Variants in ATRNL1 observed in about 807,000 individuals in gnomAD.
ATRNL1 encodes the protein attractin-like protein 1.
Under a neutral mutation model 182.7 loss-of-function variants are expected in ATRNL1, and 95 were observed. The observed-to-expected ratio is 0.52, with a 90% confidence interval of 0.44 to 0.62. The LOEUF (loss-of-function observed/expected upper bound fraction) is 0.62. ATRNL1 is among the 20% of genes least tolerant of loss of function. ATRNL1 has a pLI of 0.00. For missense variants in ATRNL1, 1,471 were observed against 1,679.5 expected (o/e 0.88, Z 2.17); for synonymous variants, 576 against 568.3 (o/e 1.01, Z -0.19).
At chr10:115,741,104 A>G (rs1948127539) in intron 27 of ATRNL1, among the ~76,000 whole-genome samples, 1 of 152,178 alleles carries the variant, frequency 6.6e-6, no homozygotes, top group Non-Finnish European at 1.5e-5. Flanking sequence ...CAGGAGGTAG[A>G]TATGGAAAAT....
rs58679995 is a variant in ATRNL1, at chr10:115,646,036, TACAC to T, written c.3796-81182_3796-81179del. 5.5e-3 allele frequency among the ~76,000 whole-genome samples: 775 copies of T among 141,654 alleles called. 20 individuals are homozygous for T. In the East Asian group the frequency reaches 0.07, roughly 13 times the overall value. 92.9% of individuals were successfully genotyped at this position (141,654 alleles called of 152,430 possible). A position where few individuals can be genotyped will look rare whatever the true frequency, so the allele number is the denominator to read the frequency against. On this transcript the variant is annotated intron_variant, in intron 26 of 28. Transcript: ENST00000355044. ...TATGTTTTTACAAAATTTTAAAATTTACACACACACACACACACACACACACACA... is the reference window on the plus strand; with the variant it reads ...TATGTTTTTACAAAATTTTAAAATTTACACACACACACACACACACACACA...
At chr10:115,917,639 C>T (rs1555117719) in intron 28 of ATRNL1, among the ~76,000 whole-genome samples, 1 of 152,030 alleles carries the variant, frequency 6.6e-6, no homozygotes, top group Non-Finnish European at 1.5e-5. Context: ...TGGATAACAT[C>T]CTTACCATGG....
At chr10:115,853,932 AT>A (rs1196547082) in intron 28 of ATRNL1, among the ~76,000 whole-genome samples, 5 of 152,160 alleles carry the variant, frequency 3.3e-5, no homozygotes, top group African/African-American at 1.2e-4. Flanking sequence ...AGAAGAAACT[AT>A]TTTACCTTGT....
At chr10:115,666,963 G>A (rs529790837) in intron 26 of ATRNL1, among the ~76,000 whole-genome samples, 8 of 152,218 alleles carry the variant, frequency 5.3e-5, no homozygotes, top group South Asian at 2.1e-4. Flanking sequence ...GACAGTGCTC[G>A]TATTTTGAGC....
intron 20 of ATRNL1, among the ~76,000 whole-genome samples, chr10:115,414,227 G>A (rs146327696): frequency 3.9e-5 from 6 of 152,116 alleles, no homozygotes; most frequent in African/African-American, 1.4e-4. Context: ...CTGATTTCAA[G>A]CTTCCCTCCT....
At chr10:115,159,089 T>C (rs980813202) in intron 5 of ATRNL1, among the ~76,000 whole-genome samples, 1 of 151,696 alleles carries the variant, frequency 6.6e-6, no homozygotes, top group Non-Finnish European at 1.5e-5. Context: ...CATTTTTAAC[T>C]TGGGACCCAT....
intron 18 of ATRNL1, among the ~76,000 whole-genome samples, chr10:115,322,686 A>G (rs1289583643): frequency 2.6e-5 from 4 of 152,024 alleles, no homozygotes; most frequent in African/African-American, 9.7e-5. Flanking sequence ...CTGGCCTTCT[A>G]GCATCTCATT....
At chr10:115,613,640 G>A (rs1251165282) in intron 26 of ATRNL1, among the ~76,000 whole-genome samples, 1 of 152,126 alleles carries the variant, frequency 6.6e-6, no homozygotes, top group Non-Finnish European at 1.5e-5. Flanking sequence ...ATTCAGCAGT[G>A]AACCCATCAG....
chr10:115,257,735 A>G (rs1229460586), intron 10 of ATRNL1, among the ~76,000 whole-genome samples: 1 of 152,166 alleles, frequency 6.6e-6, no homozygotes, highest in Admixed American at 6.5e-5. Flanking sequence ...TGTTTTTGCA[A>G]TGGCTAGTCC....
intron 26 of ATRNL1, among the ~76,000 whole-genome samples, chr10:115,713,112 C>A (rs1367644377): frequency 6.6e-6 from 1 of 151,940 alleles, no homozygotes; most frequent in African/African-American, 2.4e-5. Context: ...CTTTACTTCC[C>A]AGGAAGTATT....
intron 26 of ATRNL1, among the ~76,000 whole-genome samples, chr10:115,717,552 T>TC (rs1167573191): frequency 1.5e-5 from 2 of 134,646 alleles, no homozygotes; most frequent in East Asian, 4.7e-4. Context: ...AATGTTCTTT[T>TC]TTTTTTTTTT....
At chr10:115,146,591 C>T (rs1323649663) in intron 5 of ATRNL1, among the ~76,000 whole-genome samples, 1 of 151,998 alleles carries the variant, frequency 6.6e-6, no homozygotes, top group Non-Finnish European at 1.5e-5. Context: ...ATGTTTGTAT[C>T]CATTAGCCAA....
chr10:115,259,696 G>C (rs938095124), intron 10 of ATRNL1, among the ~76,000 whole-genome samples: 1 of 152,164 alleles, frequency 6.6e-6, no homozygotes, highest in African/African-American at 2.4e-5. Context: ...CATCCTCTGC[G>C]TCGATCACAC....
intron 26 of ATRNL1, among the ~76,000 whole-genome samples, chr10:115,605,084 C>A (rs1246926045): frequency 6.6e-6 from 1 of 152,088 alleles, no homozygotes; most frequent in African/African-American, 2.4e-5. Context: ...TTATGCATAA[C>A]AACTACTTAC....
At chr10:115,848,509 G>C (rs370456711) in intron 28 of ATRNL1, among the ~76,000 whole-genome samples, 2 of 152,134 alleles carry the variant, frequency 1.3e-5, no homozygotes, top group South Asian at 2.1e-4. Context: ...TTCAGCACCA[G>C]CTGGAGTTCA....
chr10:115,693,608 C>T (rs782156486), intron 26 of ATRNL1, among the ~76,000 whole-genome samples: 1 of 152,050 alleles, frequency 6.6e-6, no homozygotes, highest in Admixed American at 6.6e-5. Flanking sequence ...CACAGAGTTT[C>T]CTTAAAGAAA....
chr10:115,384,883 G>T (rs1858245947), intron 19 of ATRNL1, among the ~76,000 whole-genome samples: 1 of 147,608 alleles, frequency 6.8e-6, no homozygotes, highest in African/African-American at 2.5e-5. Flanking sequence ...GTATTTTATT[G>T]TCTGGATATA....
At chr10:115,211,722 A>G (rs1020643108) in intron 8 of ATRNL1, among the ~76,000 whole-genome samples, 8 of 151,338 alleles carry the variant, frequency 5.3e-5, no homozygotes, top group African/African-American at 1.7e-4. Flanking sequence ...TTAACTCGTC[A>G]TTTAACATTA....
At chr10:115,318,619 G>GTTTA (rs1854426068) in intron 18 of ATRNL1, among the ~76,000 whole-genome samples, 3 of 151,736 alleles carry the variant, frequency 2.0e-5, no homozygotes, top group African/African-American at 4.8e-5. Flanking sequence ...GTCTTGGGAG[G>GTTTA]GTGTGTGTAT....
Sources: allele counts gnomAD v4.1 joint callset (sites outside exome capture counted in the v4.1 genomes callset), GRCh38; gene constraint gnomAD v4.1.1; transcripts MANE v1.5; gene names NCBI Gene and HGNC (gene_info 2026-07-23, HGNC 2026-07-21).